The following EPM2AIP1 variants were observed in gnomAD, a reference collection of about 807,000 sequenced individuals.
The protein encoded by EPM2AIP1 is EPM2A-interacting protein 1.
Under a neutral mutation model 44.8 loss-of-function variants are expected in EPM2AIP1, and 23 were observed. That is an observed-to-expected ratio of 0.51 (90% CI 0.37 to 0.73). EPM2AIP1 has a LOEUF of 0.73. EPM2AIP1 is among the 30% of genes least tolerant of loss of function. The probability of loss-of-function intolerance (pLI) is 0.00; values close to 1 mark genes in which losing one functional copy is unlikely to be tolerated. For synonymous variants in EPM2AIP1, 311 were observed against 284.3 expected, an observed-to-expected ratio of 1.09 and a Z score of -0.94; for missense variants, 652 against 743.9, an observed-to-expected ratio of 0.88 and a Z score of 1.44.
Position 36,992,228 on chromosome 3 carries a change from A to C in EPM2AIP1, c.850T>G (p.Leu284Val). ...ACATCATAGGAGCTCAACAGTTCCA[A>C]GTGAAGAAATCCTGAATAATGAATG... ...NVIHYSGFLHLELLSSYDVDV... is the reference protein window; with the variant it reads ...NVIHYSGFLHVELLSSYDVDV... The change falls in exon 1 of 1, where the codon TTG becomes GTG. Residue 284 changes from leucine to valine, a missense_variant. Transcript: ENST00000322716. The surrounding 1 kb of genome is among the most constrained non-coding windows in gnomAD (Gnocchi z 5.3). 6.2e-7 allele frequency: 1 copy of C among 1,614,050 alleles called. No homozygotes were observed. Among genetic ancestry groups the C allele is most frequent in the Admixed American group, 1.7e-5 (1 of 60,030 alleles).
At position 36,991,767 on chromosome 3, in the gene EPM2AIP1, G is replaced by C. The variant is rs138999167; in HGVS notation, c.1311C>G (p.Leu437=). Residue 437 remains leucine, a synonymous_variant, in exon 1 of 1, where the codon CTC becomes CTG. Coordinates refer to ENST00000322716, the MANE Select transcript of EPM2AIP1 (RefSeq NM_014805.4). ...EEKNLTDFPA[L]REVVDELKQQ... is the part of the protein sequence containing the mutation. ...GTTTTAGCTCATCAACAACTTCTCT[G>C]AGGGCAGGAAAGTCTGTTAGATTTT... 6.2e-7 allele frequency: 1 copy of C among 1,613,632 alleles called. No individual in the cohort carries two copies. The highest frequency in any genetic ancestry group is 2.2e-5 in the East Asian group (1 of 44,866).
rs1318716384 is a variant in EPM2AIP1 at position 36,988,459 on chromosome 3, A to G, written c.*2795T>C. 3 of 152,196 alleles carry G rather than the reference A, an allele frequency of 2.0e-5. No homozygotes were observed. Among genetic ancestry groups the G allele is most frequent in the Non-Finnish European group, 2.9e-5 (2 of 68,038 alleles). 9.4% of individuals were successfully genotyped at this position (152,196 alleles called of 1,614,324 possible). A position where few individuals can be genotyped will look rare whatever the true frequency, so the allele number is the denominator to read the frequency against. On this transcript the variant is annotated 3_prime_UTR_variant, in exon 1 of 1. Transcript: ENST00000322716. ...AGAGCATTTGTTAGCAATTAGATAC[A>G]TCAATTAGGGAAGATCTAGAAAGGA...
At position 36,991,004 on chromosome 3, in the gene EPM2AIP1, T is replaced by G. The variant is rs908121268; in HGVS notation, c.*250A>C. ...AATACTAAATCTCTTTAAAATTAAC[T>G]ATATCATAAAAGACAATGACTTTGT... On this transcript the variant is annotated 3_prime_UTR_variant, in exon 1 of 1. Coordinates refer to ENST00000322716, the MANE Select transcript of EPM2AIP1 (RefSeq NM_014805.4). 1 of 1,170,002 alleles carries G rather than the reference T, an allele frequency of 8.5e-7. No homozygotes were observed. The highest frequency in any genetic ancestry group is 1.6e-5 in the African/African-American group (1 of 63,302). 72.5% of individuals were successfully genotyped at this position (1,170,002 alleles called of 1,614,324 possible).
rs532416747 is a variant in EPM2AIP1, at chr3:36,989,128, C to T, written c.*2126G>A. On this transcript the variant is annotated 3_prime_UTR_variant, in exon 1 of 1. Coordinates refer to ENST00000322716, the MANE Select transcript of EPM2AIP1 (RefSeq NM_014805.4). ...AAACTAATTTTATTAACACCTTAAG[C>T]AAAACATACTGGAATTTCACAAAAT... 3.3e-5 allele frequency: 5 copies of T among 151,704 alleles called. No homozygotes were observed. In the East Asian group the frequency reaches 9.7e-4, roughly 29 times the overall value. 9.4% of individuals were successfully genotyped at this position (151,704 alleles called of 1,614,324 possible). A position where few individuals can be genotyped will look rare whatever the true frequency, so the allele number is the denominator to read the frequency against.
Position 36,992,257 on chromosome 3 carries a change from T to A in EPM2AIP1, c.821A>T (p.Asn274Ile). The A allele has an allele frequency of 4.3e-6, 7 of 1,613,990 alleles. No individual in the cohort carries two copies. Among genetic ancestry groups the A allele is most frequent in the Non-Finnish European group, 5.9e-6 (7 of 1,179,894 alleles). ...REKAVSPNCWNVIHYSGFLHL... is the reference protein window; with the variant it reads ...REKAVSPNCWIVIHYSGFLHL... ...AAGAAATCCTGAATAATGAATGACA[T>A]TCCAACAGTTGGGGCTTACGGCCTT... The change falls in exon 1 of 1, where the codon AAT becomes ATT. Residue 274 changes from asparagine to isoleucine, a missense_variant. Asn to Ile is a moderately radical substitution (Grantham distance 149). Coordinates refer to ENST00000322716, the MANE Select transcript of EPM2AIP1 (RefSeq NM_014805.4). This position sits in a 1 kb window ranked among gnomAD's most constrained non-coding sequence, Gnocchi z 5.3.
rs1354800047 is a variant in EPM2AIP1, at chr3:36,988,997, T to A, written c.*2257A>T. On this transcript the variant is annotated 3_prime_UTR_variant, in exon 1 of 1. Coordinates refer to ENST00000322716, the MANE Select transcript of EPM2AIP1 (RefSeq NM_014805.4). ...CACTTTTTTCTTTTTCTTTTTTTTTTTTTTTTTTTACAAACAAGACTAGCT... is the reference window on the plus strand; with the variant it reads ...CACTTTTTTCTTTTTCTTTTTTTTTATTTTTTTTTACAAACAAGACTAGCT... 1 of 150,426 alleles carries A rather than the reference T, an allele frequency of 6.6e-6. No homozygotes were observed. The highest frequency in any genetic ancestry group is 2.4e-5 in the African/African-American group (1 of 41,150). 9.3% of individuals were successfully genotyped at this position (150,426 alleles called of 1,614,324 possible). A position where few individuals can be genotyped will look rare whatever the true frequency, so the allele number is the denominator to read the frequency against.
At position 36,986,737 on chromosome 3, in the gene EPM2AIP1, G is replaced by C. The variant is rs2080771633; in HGVS notation, c.*4517C>G. On this transcript the variant is annotated 3_prime_UTR_variant, in exon 1 of 1. Transcript: ENST00000322716. ...GCAGAGATTGCATTGAGCTGAGATT[G>C]TACCTCTGCACTCCAGCCTGGGTGA... The C allele has an allele frequency of 1.5e-5, 2 of 133,768 alleles. No homozygotes were observed. 8.3% of individuals were successfully genotyped at this position (133,768 alleles called of 1,614,324 possible).
At position 36,990,089 on chromosome 3, in the gene EPM2AIP1, C is replaced by T. The variant is rs1391053505; in HGVS notation, c.*1165G>A. 1 of 152,144 alleles carries T rather than the reference C, an allele frequency of 6.6e-6. No individual in the cohort carries two copies. Among genetic ancestry groups the T allele is most frequent in the Non-Finnish European group, 1.5e-5 (1 of 68,038 alleles). The allele number at this position is 152,144 out of a possible 1,614,324, so 9.4% of individuals were successfully genotyped here. The stretch of plus-strand genomic sequence containing the variant: ...TTTAAGATTGCCTTTTCATGGTGAA[C>T]AGAAGTTTGGAAATTACTGTTTTGG... On this transcript the variant is annotated 3_prime_UTR_variant, in exon 1 of 1. Transcript: ENST00000322716.
Position 36,991,550 on chromosome 3 carries a change from G to A in EPM2AIP1, c.1528C>T (p.Leu510Phe). 6.2e-7 allele frequency: 1 copy of A among 1,613,734 alleles called. No homozygotes were observed. Reference protein sequence around the residue: ...PISVRVELTKLQANTNLWNEY... With the variant: ...PISVRVELTKFQANTNLWNEY... ...TTCCAAAGATTAGTGTTTGCCTGAA[G>A]TTTTGTTAGCTCCACCCTCACTGAA... Residue 510 changes from leucine to phenylalanine, a missense_variant, in exon 1 of 1, where the codon CTT becomes TTT. Coordinates refer to ENST00000322716, the MANE Select transcript of EPM2AIP1 (RefSeq NM_014805.4).
rs368106679 is a variant in EPM2AIP1 at position 36,992,958 on chromosome 3, C to G, written c.120G>C (p.Leu40=). ...TAGCTACGATGAGGCGGCGACAGAC[C>G]AGGCACAGGGCCCCATCGCCCTCCG... ...EPPEGDGALC[L]VCRRLIVATR... Residue 40 remains leucine (L), a synonymous_variant, in exon 1 of 1, where the codon CTG becomes CTC. Coordinates refer to ENST00000322716, the MANE Select transcript of EPM2AIP1 (RefSeq NM_014805.4). The surrounding 1 kb of genome is among the most constrained non-coding windows in gnomAD (Gnocchi z 5.3). 1.2e-6 allele frequency: 2 copies of G among 1,613,030 alleles called. No homozygotes were observed. Among genetic ancestry groups the G allele is most frequent in the Non-Finnish European group, 1.7e-6 (2 of 1,179,898 alleles).
chr3:36,991,748 G>A lies in EPM2AIP1; in HGVS notation c.1330C>T (p.Leu444=). 1 of 1,613,596 alleles carries A rather than the reference G, an allele frequency of 6.2e-7. No homozygotes were observed. The highest frequency in any genetic ancestry group is 8.5e-7 in the Non-Finnish European group (1 of 1,179,826). The change falls in exon 1 of 1, where the codon CTA becomes TTA. Residue 444 remains leucine, a synonymous_variant. Transcript: ENST00000322716. The stretch of plus-strand genomic sequence containing the variant: ...TCATCTTCCTTATTTTGCTGTTTTA[G>A]CTCATCAACAACTTCTCTGAGGGCA... ...FPALREVVDE[L]KQQNKEDEKI...
chr3:36,990,991 CTT>C lies in EPM2AIP1; in HGVS notation c.*261_*262del. On this transcript the variant is annotated 3_prime_UTR_variant, in exon 1 of 1. Coordinates refer to ENST00000322716, the MANE Select transcript of EPM2AIP1 (RefSeq NM_014805.4). ...TTCAACTCACATTAATACTAAATCT[CTT>C]TAAAATTAACTATATCATAAAAGAC... The C allele has an allele frequency of 8.8e-7, 1 of 1,135,124 alleles. No homozygotes were observed. Among genetic ancestry groups the C allele is most frequent in the Non-Finnish European group, 1.1e-6 (1 of 923,894 alleles). 70.3% of individuals were successfully genotyped at this position (1,135,124 alleles called of 1,614,324 possible). A position where few individuals can be genotyped will look rare whatever the true frequency, so the allele number is the denominator to read the frequency against.
Position 36,989,615 on chromosome 3 carries a change from A to T in EPM2AIP1, c.*1639T>A, listed in dbSNP as rs1452588788. 6.6e-6 allele frequency: 1 copy of T among 151,920 alleles called. No individual in the cohort carries two copies. The highest frequency in any genetic ancestry group is 2.4e-5 in the African/African-American group (1 of 41,326). 9.4% of individuals were successfully genotyped at this position (151,920 alleles called of 1,614,324 possible). Reference sequence around the variant, plus strand: ...ACTTTTAATTTTGCTTCTAATGGTAATCTGCCCTATCCCTTGAAATAAAAT... The same window carrying T: ...ACTTTTAATTTTGCTTCTAATGGTATTCTGCCCTATCCCTTGAAATAAAAT... On this transcript the variant is annotated 3_prime_UTR_variant, in exon 1 of 1. Transcript: ENST00000322716.
In EPM2AIP1 at chr3:36,989,459, A is replaced by C. The variant is rs763557047; in HGVS notation, c.*1795T>G. The C allele has an allele frequency of 6.6e-6, 1 of 151,938 alleles. No individual in the cohort carries two copies. Among genetic ancestry groups the C allele is most frequent in the Non-Finnish European group, 1.5e-5 (1 of 67,990 alleles). The allele number at this position is 151,938 out of a possible 1,614,324, so 9.4% of individuals were successfully genotyped here. ...AGCCCTTAAATCTGATTCAATTATT[A>C]ATTCCTGATTTACAAGTGCTATGGT... On this transcript the variant is annotated 3_prime_UTR_variant, in exon 1 of 1. Transcript: ENST00000322716.
rs2080799629 is a variant in EPM2AIP1, at chr3:36,991,069, T to G, written c.*185A>C. The G allele has an allele frequency of 4.6e-6, 6 of 1,308,720 alleles. No individual in the cohort carries two copies. The South Asian group carries it at 1.0e-4, about 23-fold the overall frequency. The allele number at this position is 1,308,720 out of a possible 1,614,324, so 81.1% of individuals were successfully genotyped here. On this transcript the variant is annotated 3_prime_UTR_variant, in exon 1 of 1. Transcript: ENST00000322716. ...TTAAAAAAGGTGGCATTCTCATGTT[T>G]CAGTCCCATGCTGCCATTTGAGATG...
At position 36,986,723 on chromosome 3, in the gene EPM2AIP1, A is replaced by T. The variant is rs534895692; in HGVS notation, c.*4531T>A. 9.6e-4 allele frequency: 140 copies of T among 146,446 alleles called. No individual in the cohort carries two copies. Among genetic ancestry groups the T allele is most frequent in the African/African-American group, 3.4e-3 (136 of 39,426 alleles). 9.1% of individuals were successfully genotyped at this position (146,446 alleles called of 1,614,324 possible). On this transcript the variant is annotated 3_prime_UTR_variant, in exon 1 of 1. Coordinates refer to ENST00000322716, the MANE Select transcript of EPM2AIP1 (RefSeq NM_014805.4). Reference sequence around the variant, plus strand: ...CTTGAGCCAGGAAGGCAGAGATTGCATTGAGCTGAGATTGTACCTCTGCAC... The same window carrying T: ...CTTGAGCCAGGAAGGCAGAGATTGCTTTGAGCTGAGATTGTACCTCTGCAC...
In EPM2AIP1 at chr3:36,993,110, TAGAA is replaced by T. The variant is rs1452694101; in HGVS notation, c.-37_-34del. On this transcript the variant is annotated 5_prime_UTR_variant, in exon 1 of 1. Transcript: ENST00000322716. ...GAGGCCACAAGAGCAGGGCCAACGT[TAGAA>T]AGGCCGCAAGGGGAGAGGAGGAGCC... 6.4e-7 allele frequency: 1 copy of T among 1,566,802 alleles called. No individual in the cohort carries two copies. Among genetic ancestry groups the T allele is most frequent in the Admixed American group, 1.8e-5 (1 of 54,082 alleles).
rs2080796995 is a variant in EPM2AIP1, at chr3:36,990,680, G to C, written c.*574C>G. 1 of 985,492 alleles carries C rather than the reference G, an allele frequency of 1.0e-6. No individual in the cohort carries two copies. The highest frequency in any genetic ancestry group is 4.7e-5 in the South Asian group (1 of 21,282). 61.0% of individuals were successfully genotyped at this position (985,492 alleles called of 1,614,324 possible). A position where few individuals can be genotyped will look rare whatever the true frequency, so the allele number is the denominator to read the frequency against. On this transcript the variant is annotated 3_prime_UTR_variant, in exon 1 of 1. Transcript: ENST00000322716. ...TGTTATCACTGAGGTGGGTGATGGG[G>C]AGGGAAGAGGGAAGAAATCTGTCAG...
rs1246856944 is a variant in EPM2AIP1 at position 36,986,339 on chromosome 3, G to C, written c.*4915C>G. On this transcript the variant is annotated 3_prime_UTR_variant, in exon 1 of 1. Transcript: ENST00000322716. ...CTCAGAAAAGACTGGTCAGTTTGCA[G>C]GCAAAAATGAAAAGGAAGAGAATTC... is the stretch of plus-strand genomic sequence containing the variant. The C allele has an allele frequency of 1.3e-5, 2 of 152,090 alleles. No individual in the cohort carries two copies. The highest frequency in any genetic ancestry group is 1.5e-5 in the Non-Finnish European group (1 of 68,010). 9.4% of individuals were successfully genotyped at this position (152,090 alleles called of 1,614,324 possible).
Sources: allele counts gnomAD v4.1 joint callset, GRCh38; gene constraint gnomAD v4.1.1; non-coding constraint Gnocchi (gnomAD v3.1); transcripts MANE v1.5; gene names NCBI Gene and HGNC (gene_info 2026-07-23, HGNC 2026-07-21).